The following TRAK2 variants were observed in gnomAD, a reference collection of about 807,000 sequenced individuals.
TRAK2 encodes the protein trafficking kinesin protein 2, also known as trafficking kinesin-binding protein 2.
In TRAK2, 81 loss-of-function variants were observed where a neutral mutation model predicts 104.6. The ratio of observed to expected loss-of-function variants is 0.77; its 90% CI spans 0.65 to 0.93. The LOEUF (loss-of-function observed/expected upper bound fraction) is 0.93, where lower values mean the gene tolerates loss of function less well. Ranked by LOEUF, TRAK2 falls within the 40% of genes least tolerant of loss-of-function variation. The probability of loss-of-function intolerance (pLI) is 0.00; values close to 1 mark genes in which losing one functional copy is unlikely to be tolerated. For synonymous variants in TRAK2, 406 were observed against 394.4 expected, an observed-to-expected ratio of 1.03 and a Z score of -0.35; for missense variants, 1,002 against 1,089.0, an observed-to-expected ratio of 0.92 and a Z score of 1.12.
intron 1 of TRAK2, among the ~76,000 whole-genome samples, chr2:201,433,306 T>A (rs1230917146): frequency 1.3e-5 from 2 of 152,208 alleles, no homozygotes; most frequent in Non-Finnish European, 2.9e-5. Flanking sequence ...CTACACTGGC[T>A]ACATTCAGCA....
chr2:201,398,841 T>A (rs774380886), intron 5 of TRAK2, among the ~76,000 whole-genome samples: 5 of 152,114 alleles, frequency 3.3e-5, no homozygotes, highest in African/African-American at 4.8e-5. Context: ...AAGGCTCAAA[T>A]GCTATCATCC....
chr2:201,438,177 AG>A (rs1216231650), intron 1 of TRAK2, among the ~76,000 whole-genome samples: 1 of 151,960 alleles, frequency 6.6e-6, no homozygotes, highest in Non-Finnish European at 1.5e-5. Context: ...AAAACATTTT[AG>A]TGAAATTCGT....
intron 1 of TRAK2, among the ~76,000 whole-genome samples, chr2:201,422,610 G>T (rs1239147630): frequency 6.6e-6 from 1 of 152,174 alleles, no homozygotes; most frequent in Admixed American, 6.5e-5. Context: ...GCAAATCCTA[G>T]GGAGGAGAGT....
At position 201,386,403 on chromosome 2, in the gene TRAK2, G is replaced by A; in HGVS notation, c.1778C>T (p.Thr593Ile). ...TILDPRPGVI[T>I]KGFTQLPGDA... ...CCCGGGCAACTGGGTAAAGCCTTTAGTAATGACACCTGGTCGTGGATCAAG... is the reference window on the plus strand; with the variant it reads ...CCCGGGCAACTGGGTAAAGCCTTTAATAATGACACCTGGTCGTGGATCAAG... The change falls in exon 14 of 16, where the codon ACT becomes ATT. Residue 593 changes from threonine (T) to isoleucine (I), a missense_variant. Thr to Ile is a moderately conservative substitution (Grantham distance 89). Transcript: ENST00000332624. 6.2e-7 allele frequency: 1 copy of A among 1,614,198 alleles called. No individual in the cohort carries two copies. The highest frequency in any genetic ancestry group is 1.1e-5 in the South Asian group (1 of 91,090).
chr2:201,412,250 C>T (rs564737161), intron 2 of TRAK2: 13 of 1,028,118 alleles, frequency 1.3e-5, no homozygotes, highest in South Asian at 5.1e-5. Context: ...TTTGGCAGTC[C>T]GTTGAAAAAC....
At chr2:201,409,043 A>G (rs1413454668) in intron 2 of TRAK2, among the ~76,000 whole-genome samples, 1 of 152,190 alleles carries the variant, frequency 6.6e-6, no homozygotes, top group Non-Finnish European at 1.5e-5. Flanking sequence ...TATCCTTCAC[A>G]TAACATAAAT....
intron 2 of TRAK2, chr2:201,410,660 A>AT (rs1238233882): frequency 5.4e-6 from 7 of 1,307,188 alleles, no homozygotes; most frequent in Non-Finnish European, 7.8e-6. Flanking sequence ...CCAAAGGCAG[A>AT]TTGTCCTATC....
At chr2:201,442,621 C>T (rs1298412159) in intron 1 of TRAK2, among the ~76,000 whole-genome samples, 1 of 152,170 alleles carries the variant, frequency 6.6e-6, no homozygotes, top group Non-Finnish European at 1.5e-5. Flanking sequence ...CCCCATTATC[C>T]TCTTAAACAT....
At chr2:201,435,754 A>G (rs1181878470) in intron 1 of TRAK2, among the ~76,000 whole-genome samples, 3 of 152,222 alleles carry the variant, frequency 2.0e-5, no homozygotes, top group Admixed American at 6.5e-5. Context: ...GTAGAAGGTA[A>G]GGCCTCATAG....
At chr2:201,423,945 T>A (rs1424269596) in intron 1 of TRAK2, among the ~76,000 whole-genome samples, 1 of 152,204 alleles carries the variant, frequency 6.6e-6, no homozygotes, top group Non-Finnish European at 1.5e-5. Flanking sequence ...CAGTGCAACA[T>A]GAAGTAAAAC....
intron 1 of TRAK2, among the ~76,000 whole-genome samples, chr2:201,449,540 A>G (rs1260739242): frequency 1.4e-5 from 2 of 145,128 alleles, no homozygotes; most frequent in East Asian, 4.1e-4. Context: ...ACTGGAGTGC[A>G]ATGGCTCGAT....
At chr2:201,412,351 A>C in intron 2 of TRAK2, 1 of 1,340,376 alleles carries the variant, frequency 7.5e-7, no homozygotes, top group East Asian at 2.3e-5. Context: ...AATCTTTGTC[A>C]TTTGATCTGC....
intron 8 of TRAK2, 180 bp downstream of exon 8, chr2:201,395,134 G>A (rs529878953): frequency 3.1e-6 from 2 of 635,130 alleles, no homozygotes; most frequent in Non-Finnish European, 5.3e-6. Context: ...ATAATGACTT[G>A]AAAGTATTTA....
At position 201,380,277 on chromosome 2, in the gene TRAK2, G is replaced by T; in HGVS notation, c.*266C>A. The T allele has an allele frequency of 2.1e-6, 1 of 482,142 alleles. No individual in the cohort carries two copies. The highest frequency in any genetic ancestry group is 3.7e-6 in the Non-Finnish European group (1 of 269,160). The allele number at this position is 482,142 out of a possible 1,614,324, so 29.9% of individuals were successfully genotyped here. A position where few individuals can be genotyped will look rare whatever the true frequency, so the allele number is the denominator to read the frequency against. Reference sequence around the variant, plus strand: ...ATTTGTATTCACTTTTTATGTTCAAGACAAGAAAACTCAACTGAAGGAGTA... The same window carrying T: ...ATTTGTATTCACTTTTTATGTTCAATACAAGAAAACTCAACTGAAGGAGTA... On this transcript the variant is annotated 3_prime_UTR_variant, in exon 16 of 16. Transcript: ENST00000332624.
intron 2 of TRAK2, chr2:201,411,941 G>T: frequency 1.0e-6 from 1 of 993,122 alleles, no homozygotes; most frequent in Non-Finnish European, 1.6e-6. Flanking sequence ...GTATTGAATG[G>T]AAGGAGCTTC....
At chr2:201,446,189 C>T (rs1951962995) in intron 1 of TRAK2, among the ~76,000 whole-genome samples, 1 of 152,094 alleles carries the variant, frequency 6.6e-6, no homozygotes. Flanking sequence ...TGCAAACTAG[C>T]TTCTCCATCT....
intron 15 of TRAK2, among the ~76,000 whole-genome samples, chr2:201,381,988 G>A (rs1951349381): frequency 6.6e-6 from 1 of 152,136 alleles, no homozygotes; most frequent in South Asian, 2.1e-4. Flanking sequence ...CAGAAGTGAA[G>A]GTGAGCTTGT....
intron 1 of TRAK2, among the ~76,000 whole-genome samples, chr2:201,448,502 T>C (rs1258245002): frequency 1.3e-5 from 2 of 152,236 alleles, no homozygotes; most frequent in Non-Finnish European, 2.9e-5. Flanking sequence ...CTATGAATAA[T>C]TTAGTTCTTT....
chr2:201,414,601 G>C (rs1000997017), intron 2 of TRAK2, among the ~76,000 whole-genome samples: 6 of 152,164 alleles, frequency 3.9e-5, no homozygotes, highest in Non-Finnish European at 7.4e-5. Flanking sequence ...CAATGAGATA[G>C]AGATGAGGCA....
Sources: gnomAD v4.1 joint callset for allele counts (sites outside exome capture counted in the v4.1 genomes callset) on GRCh38, gnomAD v4.1.1 for gene constraint, MANE v1.5 for transcripts, NCBI Gene and HGNC (gene_info 2026-07-23, HGNC 2026-07-21) for gene names.